The following ZFP1 variants were observed in gnomAD, a reference collection of about 807,000 sequenced individuals.
The protein encoded by ZFP1 is ZFP1 zinc finger protein, also known as zinc finger protein 1 homolog.
A neutral mutation model predicts 38.5 loss-of-function variants in ZFP1; 32 were observed. The ratio of observed to expected loss-of-function variants is 0.83; its 90% CI spans 0.63 to 1.12. The LOEUF (loss-of-function observed/expected upper bound fraction) is 1.12. Ranked by LOEUF, ZFP1 falls within the 50% of genes most tolerant of loss-of-function variation. ZFP1 has a pLI of 0.00. For missense variants in ZFP1, 616 were observed against 480.8 expected, an observed-to-expected ratio of 1.28 and a Z score of -2.63; for synonymous variants, 245 against 168.8, an observed-to-expected ratio of 1.45 and a Z score of -3.50.
At chr16:75,165,936 T>G (rs1368824123) in intron 2 of ZFP1, among the ~76,000 whole-genome samples, 1 of 152,184 alleles carries the variant, frequency 6.6e-6, no homozygotes, top group East Asian at 1.9e-4. Context: ...GTTTAGATAT[T>G]TACTGACATT....
chr16:75,124,863 G>GTTT, the ZFP1 span, among the ~76,000 whole-genome samples: 588 of 127,610 alleles, frequency 4.6e-3, 7 homozygotes, highest in African/African-American at 0.016. Flanking sequence ...AAATAAAGAG[G>GTTT]TTTTTTTTTT....
chr16:75,169,654 C>CA lies in ZFP1; in HGVS notation c.546dup (p.Pro183ThrfsTer8). On this transcript the variant is annotated frameshift_variant, in exon 4 of 4. Transcript: ENST00000570010. LOFTEE classifies it high-confidence loss of function. ...ACATCAGAAAATAAAAAACTTGGTT[C>CA]AACCTTTCATTTGTACTTACTGTGA... 6.3e-7 allele frequency: 1 copy of CA among 1,599,538 alleles called. No homozygotes were observed. Among genetic ancestry groups the CA allele is most frequent in the Non-Finnish European group, 8.5e-7 (1 of 1,176,012 alleles).
chr16:75,153,510 G>C (rs758390443), intron 2 of ZFP1, among the ~76,000 whole-genome samples: 1 of 152,088 alleles, frequency 6.6e-6, no homozygotes, highest in Admixed American at 6.6e-5. Context: ...TAATCATACT[G>C]TTCTGTTTAT....
Position 75,170,476 on chromosome 16 carries a change from C to A in ZFP1, c.*142C>A. On this transcript the variant is annotated 3_prime_UTR_variant, in exon 4 of 4. Transcript: ENST00000570010. ...TCAAAAATGTATTAAAAATAGGATC[C>A]CATGAGAACATTATACTGGAAGTTA... 8.1e-7 allele frequency: 1 copy of A among 1,233,422 alleles called. No individual in the cohort carries two copies. Among genetic ancestry groups the A allele is most frequent in the Non-Finnish European group, 1.1e-6 (1 of 937,414 alleles). The allele number at this position is 1,233,422 out of a possible 1,614,324, so 76.4% of individuals were successfully genotyped here.
chr16:75,134,066 C>T, the ZFP1 span, among the ~76,000 whole-genome samples: 161 of 152,160 alleles, frequency 1.1e-3, no homozygotes, highest in African/African-American at 3.8e-3. Flanking sequence ...ATAATAATAA[C>T]AATAAGTTTT....
chr16:75,125,664 G>C, the ZFP1 span, among the ~76,000 whole-genome samples: 9 of 152,054 alleles, frequency 5.9e-5, no homozygotes, highest in Admixed American at 5.9e-4. Flanking sequence ...TTTATAAATT[G>C]TTTATAAAAT....
At position 75,166,102 on chromosome 16, in the gene ZFP1, T is replaced by G. The variant is rs143812248; in HGVS notation, c.16-668T>G. ...ATTTTACAGTTGGAAGTTCATCTTC[T>G]GCCTTAAAGAGTTAAAACTTTGACT... On this transcript the variant is annotated intron_variant, in intron 2 of 3. Transcript: ENST00000570010. Among the ~76,000 whole-genome samples the G allele has an allele frequency of 1.1e-3, 171 of 152,328 alleles. 1 individual carries two copies. Among genetic ancestry groups the G allele is most frequent in the African/African-American group, 3.8e-3 (159 of 41,586 alleles).
upstream of ZFP1, among the ~76,000 whole-genome samples, chr16:75,146,738 A>G (rs1219191414): frequency 1.3e-5 from 2 of 152,100 alleles, no homozygotes; most frequent in African/African-American, 4.8e-5. Context: ...CAGGAGTTTG[A>G]GACGAGCCTG....
At chr16:75,146,154 C>A (rs906510348), upstream of ZFP1, among the ~76,000 whole-genome samples, 5 of 150,344 alleles carry the variant, frequency 3.3e-5, no homozygotes, top group African/African-American at 1.2e-4. Flanking sequence ...AATCCAGCAA[C>A]CATGCTAATT....
chr16:75,128,575 G>C, the ZFP1 span, among the ~76,000 whole-genome samples: 16 of 152,228 alleles, frequency 1.1e-4, 2 homozygotes, highest in South Asian at 6.2e-4. Context: ...ATTATCTACA[G>C]TTTGAACCAA....
chr16:75,170,448 A>G lies in ZFP1; in HGVS notation c.*114A>G. 1 of 1,371,210 alleles carries G rather than the reference A, an allele frequency of 7.3e-7. No homozygotes were observed. The highest frequency in any genetic ancestry group is 2.0e-5 in the South Asian group (1 of 50,236). The allele number at this position is 1,371,210 out of a possible 1,614,324, so 84.9% of individuals were successfully genotyped here. Reference sequence around the variant, plus strand: ...AATTCATACTGAGATGCAATCTCTCAACTCAAAAATGTATTAAAAATAGGA... The same window carrying G: ...AATTCATACTGAGATGCAATCTCTCGACTCAAAAATGTATTAAAAATAGGA... On this transcript the variant is annotated 3_prime_UTR_variant, in exon 4 of 4. Transcript: ENST00000570010.
At chr16:75,120,168 CGT>C in the ZFP1 span, among the ~76,000 whole-genome samples, 15 of 151,980 alleles carry the variant, frequency 9.9e-5, no homozygotes, top group African/African-American at 2.9e-4. Flanking sequence ...TGCGCATGTG[CGT>C]GTGTGTGTTT....
At chr16:75,157,661 G>T (rs1024802089) in intron 2 of ZFP1, among the ~76,000 whole-genome samples, 3 of 152,104 alleles carry the variant, frequency 2.0e-5, no homozygotes, top group African/African-American at 7.2e-5. Flanking sequence ...TGCATATATG[G>T]TTATGGATGT....
chr16:75,158,463 C>T (rs909205987), intron 2 of ZFP1, among the ~76,000 whole-genome samples: 18 of 151,864 alleles, frequency 1.2e-4, no homozygotes, highest in Non-Finnish European at 7.4e-5. Flanking sequence ...CCACGTCAGC[C>T]TCCTGAGTAG....
At chr16:75,161,462 A>G (rs540684470) in intron 2 of ZFP1, among the ~76,000 whole-genome samples, 32 of 151,624 alleles carry the variant, frequency 2.1e-4, no homozygotes, top group Middle Eastern at 3.4e-3. Flanking sequence ...CCTTTTGGTA[A>G]TTGTAGCCCT....
chr16:75,166,459 C>G (rs946471251), intron 2 of ZFP1: 3 of 782,122 alleles, frequency 3.8e-6, no homozygotes, highest in Non-Finnish European at 4.6e-6. Context: ...CTCCCGACCT[C>G]AAGTGATTCC....
In ZFP1 at chr16:75,169,911, C is replaced by T. The variant is rs1373201664; in HGVS notation, c.801C>T (p.Pro267=). ...AGAGAGCACATATGGAGAAGAAGCCCTATGAGTGCAGTGAATGTGGAAAGA... is the reference window on the plus strand; with the variant it reads ...AGAGAGCACATATGGAGAAGAAGCCTTATGAGTGCAGTGAATGTGGAAAGA... The part of the protein sequence containing the change: ...VHQRAHMEKK[P]YECSECGKTF... Residue 267 remains proline (P), a synonymous_variant, in exon 4 of 4, where the codon CCC becomes CCT. Coordinates refer to ENST00000570010, the MANE Select transcript of ZFP1 (RefSeq NM_153688.4). 6.2e-7 allele frequency: 1 copy of T among 1,614,148 alleles called. No homozygotes were observed.
chr16:75,123,819 T>A, the ZFP1 span, among the ~76,000 whole-genome samples: 1 of 150,860 alleles, frequency 6.6e-6, no homozygotes, highest in Non-Finnish European at 1.5e-5. Flanking sequence ...CAGCCAGGTG[T>A]GGTGGCTCAC....
the ZFP1 span, chr16:75,119,584 T>C: frequency 6.6e-6 from 1 of 152,134 alleles, no homozygotes; most frequent in Non-Finnish European, 1.5e-5. Flanking sequence ...CATCCCTAGG[T>C]AAGTAACTGA....
Sources: gnomAD v4.1 joint callset for allele counts (sites outside exome capture counted in the v4.1 genomes callset) on GRCh38, gnomAD v4.1.1 for gene constraint, MANE v1.5 for transcripts, NCBI Gene and HGNC (gene_info 2026-07-23, HGNC 2026-07-21) for gene names.